Variants in NFIB observed in about 807,000 individuals in gnomAD.
NFIB encodes nuclear factor 1 B-type.
Under a neutral mutation model 61.5 loss-of-function variants are expected in NFIB, and 11 were observed. That is an observed-to-expected ratio of 0.18 (90% CI 0.11 to 0.30). The LOEUF (loss-of-function observed/expected upper bound fraction) is 0.30. Ranked by LOEUF, NFIB falls within the 10% of genes least tolerant of loss-of-function variation. NFIB has a pLI of 1.00. For missense variants in NFIB, 471 were observed against 608.9 expected (o/e 0.77, Z 2.38); for synonymous variants, 260 against 216.5 (o/e 1.20, Z -1.76).
intron 2 of NFIB, among the ~76,000 whole-genome samples, chr9:14,200,655 T>A (rs2048933291): frequency 6.6e-6 from 1 of 152,166 alleles, no homozygotes; most frequent in Non-Finnish European, 1.5e-5. Context: ...TCCAATCCTC[T>A]ATTTCTGAGG....
At chr9:14,460,565 G>C in the NFIB span, among the ~76,000 whole-genome samples, 3 of 151,828 alleles carry the variant, frequency 2.0e-5, no homozygotes, top group East Asian at 5.8e-4. Context: ...GATCTTACTT[G>C]ATTTGAAAAA....
At chr9:14,410,425 A>G in the NFIB span, among the ~76,000 whole-genome samples, 1 of 152,222 alleles carries the variant, frequency 6.6e-6, no homozygotes, top group Non-Finnish European at 1.5e-5. Flanking sequence ...AGGGCCTAAT[A>G]TTAATGCAAA....
At chr9:14,467,866 A>G in the NFIB span, among the ~76,000 whole-genome samples, 1 of 152,182 alleles carries the variant, frequency 6.6e-6, no homozygotes, top group African/African-American at 2.4e-5. Context: ...CATTTTACAG[A>G]TGAAAAAACT....
chr9:14,397,610 A>G (rs2061699850), intron 1 of NFIB, among the ~76,000 whole-genome samples: 1 of 152,178 alleles, frequency 6.6e-6, no homozygotes, highest in African/African-American at 2.4e-5. Flanking sequence ...TAAGAAAACC[A>G]TCACATTCCT....
intron 2 of NFIB, among the ~76,000 whole-genome samples, chr9:14,224,042 T>C (rs1163958995): frequency 6.6e-6 from 1 of 152,156 alleles, no homozygotes; most frequent in African/African-American, 2.4e-5. Flanking sequence ...AGAAATAAGG[T>C]CACATCAAAA....
intron 6 of NFIB, among the ~76,000 whole-genome samples, chr9:14,131,311 G>A (rs968857981): frequency 6.6e-6 from 1 of 152,088 alleles, no homozygotes; most frequent in African/African-American, 2.4e-5. Flanking sequence ...CTTTAAATAA[G>A]TATTTTGCAA....
intron 2 of NFIB, among the ~76,000 whole-genome samples, chr9:14,217,600 C>T (rs867460592): frequency 8.9e-5 from 12 of 134,088 alleles, no homozygotes; most frequent in African/African-American, 3.1e-4. Context: ...GTGGAGGTTG[C>T]GGTGAGCCGA....
intron 1 of NFIB, among the ~76,000 whole-genome samples, chr9:14,379,858 T>G (rs1190945562): frequency 6.6e-6 from 1 of 152,058 alleles, no homozygotes; most frequent in Non-Finnish European, 1.5e-5. Flanking sequence ...AGTTTTTGTA[T>G]TTTTAGTAGA....
Position 14,220,842 on chromosome 9 carries a change from T to TACACACACACACACACAC in NFIB, c.563-41080_563-41063dup, listed in dbSNP as rs138623129. Among the ~76,000 whole-genome samples the TACACACACACACACACAC allele has an allele frequency of 2.9e-3, 351 of 123,074 alleles. 6 individuals carry two copies. Among genetic ancestry groups the TACACACACACACACACAC allele is most frequent in the Middle Eastern group, 4.4e-3 (1 of 226 alleles). The allele number at this position is 123,074 out of a possible 152,430, so 80.7% of individuals were successfully genotyped here. ...CTATATCCAGTGAAATCAATCTCCC[T>TACACACACACACACACAC]ACACACACACACACACACACACACA... On this transcript the variant is annotated intron_variant, in intron 2 of 10. Transcript: ENST00000380953.
rs74630471 is a variant in NFIB, at chr9:14,380,655, C to T, written c.108+17869G>A. ...ATGTTGTTCTTATCTTGCCTGGACA[C>T]CCCCCGCCTCTATCCTTATGCCAGC... On this transcript the variant is annotated intron_variant, in intron 1 of 8. Coordinates refer to the NFIB transcript ENST00000380934. Among the ~76,000 whole-genome samples the T allele has an allele frequency of 9.7e-3, 1,478 of 152,228 alleles. 31 individuals are homozygous for T. The highest frequency in any genetic ancestry group is 0.034 in the African/African-American group (1,401 of 41,520).
At chr9:14,386,294 G>C (rs1052087026) in intron 1 of NFIB, among the ~76,000 whole-genome samples, 1 of 152,124 alleles carries the variant, frequency 6.6e-6, no homozygotes, top group African/African-American at 2.4e-5. Context: ...AAATATCTTA[G>C]TACCCACAAC....
intron 2 of NFIB, among the ~76,000 whole-genome samples, chr9:14,228,132 T>G (rs1387219446): frequency 2.0e-5 from 3 of 151,852 alleles, no homozygotes; most frequent in African/African-American, 7.3e-5. Flanking sequence ...TTAAAAATAA[T>G]TATATAGGAA....
chr9:14,319,470 A>G (rs898090769), intron 1 of NFIB, among the ~76,000 whole-genome samples: 1 of 152,206 alleles, frequency 6.6e-6, no homozygotes, highest in African/African-American at 2.4e-5. Context: ...CTTATCCACA[A>G]TGTTACAAAG....
intron 2 of NFIB, among the ~76,000 whole-genome samples, chr9:14,218,832 A>G (rs774432751): frequency 2.0e-5 from 3 of 152,172 alleles, no homozygotes; most frequent in Non-Finnish European, 4.4e-5. Context: ...AATTTCAGTT[A>G]TTGATGTACC....
the NFIB span, among the ~76,000 whole-genome samples, chr9:14,459,531 C>G: frequency 0.01 from 1,596 of 152,180 alleles, 28 homozygotes; most frequent in African/African-American, 0.037. Flanking sequence ...TCTAATTAAA[C>G]TAAAGAGCTT....
At chr9:14,496,028 G>A in the NFIB span, among the ~76,000 whole-genome samples, 1 of 152,182 alleles carries the variant, frequency 6.6e-6, no homozygotes, top group Non-Finnish European at 1.5e-5. Context: ...TAGGGCTGTT[G>A]TGAGATATAA....
chr9:14,454,627 G>C, the NFIB span, among the ~76,000 whole-genome samples: 1 of 152,112 alleles, frequency 6.6e-6, no homozygotes, highest in Non-Finnish European at 1.5e-5. Context: ...TGCATTTTCT[G>C]CTAGTTTGTA....
chr9:14,088,407 A>G, intron 10 of NFIB, 81 bp from the exon 11 acceptor site: 1 of 1,323,874 alleles, frequency 7.6e-7, no homozygotes, highest in East Asian at 2.8e-5. Flanking sequence ...TATGAGAAAT[A>G]TAAATTCCAG....
the NFIB span, among the ~76,000 whole-genome samples, chr9:14,464,590 A>T: frequency 6.6e-6 from 1 of 152,194 alleles, no homozygotes; most frequent in Non-Finnish European, 1.5e-5. Context: ...CAGCTGATGG[A>T]GCGTAGCAAG....
Sources: allele counts gnomAD v4.1 joint callset (sites outside exome capture counted in the v4.1 genomes callset), GRCh38; gene constraint gnomAD v4.1.1; transcripts MANE v1.5; gene names NCBI Gene and HGNC (gene_info 2026-07-23, HGNC 2026-07-21).